The following ANKS1B variants were observed in gnomAD, a reference collection of about 807,000 sequenced individuals.
ANKS1B encodes ankyrin repeat and sterile alpha motif domain-containing protein 1B.
Under a neutral mutation model 148.3 loss-of-function variants are expected in ANKS1B, and 36 were observed. The observed-to-expected ratio is 0.24, with a 90% CI of 0.19 to 0.32. The LOEUF is 0.32. Among genes scored for constraint, ANKS1B ranks in the 10% least tolerant of loss-of-function variants. The probability of loss-of-function intolerance (pLI) is 1.00; values close to 1 mark genes in which losing one functional copy is unlikely to be tolerated. For missense variants in ANKS1B, 1,157 were observed against 1,542.6 expected, an observed-to-expected ratio of 0.75 and a Z score of 4.19; for synonymous variants, 542 against 560.8, an observed-to-expected ratio of 0.97 and a Z score of 0.47.
At chr12:99,003,732 A>G (rs1233851643) in intron 17 of ANKS1B, among the ~76,000 whole-genome samples, 2 of 152,214 alleles carry the variant, frequency 1.3e-5, no homozygotes, top group Non-Finnish European at 2.9e-5. Flanking sequence ...CCTGATGGTT[A>G]GAGCTGCACG....
At chr12:99,684,373 A>AC (rs1440388855) in intron 8 of ANKS1B, among the ~76,000 whole-genome samples, 6 of 151,298 alleles carry the variant, frequency 4.0e-5, no homozygotes, top group African/African-American at 1.5e-4. Flanking sequence ...AGCTGCAAAA[A>AC]AAAAAAAAAA....
chr12:99,205,003 A>G (rs929410944), intron 14 of ANKS1B, among the ~76,000 whole-genome samples: 1 of 152,182 alleles, frequency 6.6e-6, no homozygotes, highest in Non-Finnish European at 1.5e-5. Flanking sequence ...TATTTTAATC[A>G]GTGTTAAAGA....
intron 17 of ANKS1B, among the ~76,000 whole-genome samples, chr12:99,048,102 C>T (rs1357252727): frequency 4.6e-5 from 7 of 152,136 alleles, no homozygotes; most frequent in Non-Finnish European, 8.8e-5. Flanking sequence ...GCTGGAATGC[C>T]GAGCTTGGCT....
chr12:99,314,183 C>G (rs1052753519), intron 12 of ANKS1B, among the ~76,000 whole-genome samples: 1 of 151,980 alleles, frequency 6.6e-6, no homozygotes, highest in Non-Finnish European at 1.5e-5. Context: ...ACAAAGAAAA[C>G]AAAACACCTA....
intron 17 of ANKS1B, among the ~76,000 whole-genome samples, chr12:99,043,123 C>G (rs903674743): frequency 1.3e-5 from 2 of 152,154 alleles, no homozygotes; most frequent in Admixed American, 6.5e-5. Context: ...ATCCCCACAA[C>G]TCTATGCAGT....
intron 12 of ANKS1B, among the ~76,000 whole-genome samples, chr12:99,385,081 AGTT>A (rs1192892742): frequency 3.9e-5 from 6 of 152,180 alleles, no homozygotes; most frequent in African/African-American, 1.2e-4. Context: ...ATATGCTTAA[AGTT>A]GTTAAGATAG....
chr12:98,989,935 GAGAA>G (rs939280150), intron 17 of ANKS1B, among the ~76,000 whole-genome samples: 3 of 149,298 alleles, frequency 2.0e-5, no homozygotes, highest in African/African-American at 4.9e-5. Context: ...GAGAAAGAAA[GAGAA>G]AGAAGGAAAA....
At chr12:99,480,565 T>C (rs2096395230) in intron 10 of ANKS1B, among the ~76,000 whole-genome samples, 1 of 151,902 alleles carries the variant, frequency 6.6e-6, no homozygotes, top group Non-Finnish European at 1.5e-5. Flanking sequence ...GAAAATATTT[T>C]TTAATTTAGC....
intron 17 of ANKS1B, among the ~76,000 whole-genome samples, chr12:98,963,041 GAAGC>G (rs1164429762): frequency 4.6e-5 from 7 of 151,854 alleles, no homozygotes; most frequent in Admixed American, 3.9e-4. Flanking sequence ...AAGAACTAGA[GAAGC>G]AAGAGCAAAC....
chr12:98,817,813 C>T (rs2099153432), intron 19 of ANKS1B, among the ~76,000 whole-genome samples: 1 of 152,198 alleles, frequency 6.6e-6, no homozygotes, highest in Non-Finnish European at 1.5e-5. Flanking sequence ...ATTTCTCCAT[C>T]TTTCTGAAGG....
chr12:98,934,250 C>T (rs372463973), intron 17 of ANKS1B, among the ~76,000 whole-genome samples: 18 of 152,056 alleles, frequency 1.2e-4, no homozygotes, highest in East Asian at 9.6e-4. Context: ...GTTGAAGAGA[C>T]TATCCTTTCC....
chr12:98,910,433 G>A (rs930178900), intron 17 of ANKS1B, among the ~76,000 whole-genome samples: 1 of 152,188 alleles, frequency 6.6e-6, no homozygotes, highest in Admixed American at 6.5e-5. Flanking sequence ...GGGATATTTA[G>A]CTTGTTGGCA....
intron 9 of ANKS1B, among the ~76,000 whole-genome samples, chr12:99,644,580 T>C (rs555160015): frequency 1.3e-5 from 2 of 152,342 alleles, no homozygotes; most frequent in African/African-American, 4.8e-5. Context: ...AAAATTCTTC[T>C]AGCTTCTACC....
At chr12:99,934,568 C>T (rs980999898) in intron 1 of ANKS1B, among the ~76,000 whole-genome samples, 3 of 152,042 alleles carry the variant, frequency 2.0e-5, no homozygotes, top group African/African-American at 7.2e-5. Context: ...GCTGCTCACA[C>T]TAGTCTCTAA....
At chr12:99,115,363 C>G in intron 15 of ANKS1B, among the ~76,000 whole-genome samples, 1 of 152,136 alleles carries the variant, frequency 6.6e-6, no homozygotes, top group African/African-American at 2.4e-5. Flanking sequence ...CAAACTAATG[C>G]AGGAACAGAA....
chr12:99,084,627 A>G (rs897306558), intron 16 of ANKS1B, among the ~76,000 whole-genome samples: 1 of 152,186 alleles, frequency 6.6e-6, no homozygotes, highest in Non-Finnish European at 1.5e-5. Flanking sequence ...ATGAAGCAGG[A>G]GAATTGCTTG....
chr12:99,536,836 T>C (rs2153107236), intron 9 of ANKS1B, among the ~76,000 whole-genome samples: 1 of 152,256 alleles, frequency 6.6e-6, no homozygotes, highest in South Asian at 2.1e-4. Flanking sequence ...TGTTGTGCTA[T>C]CAAATAGGTC....
chr12:99,521,457 T>C (rs957746974), intron 9 of ANKS1B, among the ~76,000 whole-genome samples: 6 of 152,150 alleles, frequency 3.9e-5, no homozygotes, highest in African/African-American at 1.4e-4. Flanking sequence ...TAGATGTTCA[T>C]CAATGTCTGG....
chr12:99,504,263 C>T (rs1267920806), intron 10 of ANKS1B, among the ~76,000 whole-genome samples: 2 of 152,106 alleles, frequency 1.3e-5, no homozygotes, highest in South Asian at 4.1e-4. Context: ...ATTACCATGT[C>T]CATTATGGCT....
Sources: gnomAD v4.1 joint callset for allele counts (sites outside exome capture counted in the v4.1 genomes callset) on GRCh38, gnomAD v4.1.1 for gene constraint, MANE v1.5 for transcripts, NCBI Gene and HGNC (gene_info 2026-07-23, HGNC 2026-07-21) for gene names.